Variants in CDKL5 observed in about 807,000 individuals in gnomAD.
CDKL5 encodes the protein cyclin-dependent kinase-like 5.
A neutral mutation model predicts 61.7 loss-of-function variants in CDKL5; 8 were observed. The observed-to-expected ratio is 0.13, with a 90% CI of 0.08 to 0.23. CDKL5 has a LOEUF of 0.23. Among genes scored for constraint, CDKL5 ranks in the 10% least tolerant of loss-of-function variants. The pLI is 1.00. For synonymous variants in CDKL5, 275 were observed against 272.3 expected, an observed-to-expected ratio of 1.01 and a Z score of -0.10; for missense variants, 440 against 734.5, an observed-to-expected ratio of 0.60 and a Z score of 4.63.
chrX:18,597,736 A>G (rs1926048086), intron 10 of CDKL5, among the ~76,000 whole-genome samples: 2 of 107,478 alleles, frequency 1.9e-5, no homozygotes, highest in South Asian at 8.3e-4. Context: ...AGCTGGGATT[A>G]CGGGCATGAG....
Position 18,509,236 on chromosome X carries a change from CA to C in CDKL5, c.65-1583del, listed in dbSNP as rs1235117969. 3.3e-4 allele frequency among the ~76,000 whole-genome samples: 36 copies of C among 107,593 alleles called. No homozygotes were observed. The East Asian group carries it at 6.0e-3, about 18-fold the overall frequency. The allele number at this position is 107,593 out of a possible 115,157, so 93.4% of individuals were successfully genotyped here. A position where few individuals can be genotyped will look rare whatever the true frequency, so the allele number is the denominator to read the frequency against. The stretch of plus-strand genomic sequence containing the variant: ...ACACACACACACACACACACACACA[CA>C]CACACACACCCCTGTCAAGCAAACT... On this transcript the variant is annotated intron_variant, in intron 2 of 17. Coordinates refer to ENST00000623535, the MANE Select transcript of CDKL5 (RefSeq NM_001323289.2).
intron 1 of CDKL5, among the ~76,000 whole-genome samples, chrX:18,440,223 A>G (rs1162365397): frequency 8.9e-6 from 1 of 112,238 alleles, no homozygotes; most frequent in East Asian, 2.8e-4. Context: ...TGCTTTATCA[A>G]CTAAGTTTAT....
intron 16 of CDKL5, among the ~76,000 whole-genome samples, chrX:18,621,794 C>T (rs1208258489): frequency 9.0e-6 from 1 of 111,538 alleles, no homozygotes; most frequent in African/African-American, 3.3e-5. Context: ...CAGTCAGATA[C>T]TACTATAATT....
Position 18,442,404 on chromosome X carries a change from C to G in CDKL5, c.-163+16709C>G, listed in dbSNP as rs756093465. On this transcript the variant is annotated intron_variant, in intron 1 of 17. Coordinates refer to ENST00000623535, the MANE Select transcript of CDKL5 (RefSeq NM_001323289.2). ...ACTCTCCAACAGGCGAGCACATGGT[C>G]GTCTCCTCTCTCCCTTCAGGTACTC... The G allele has an allele frequency of 3.6e-5, 4 of 112,074 alleles. 1 individual carries two copies. The South Asian group carries it at 1.5e-3, about 42-fold the overall frequency. 9.2% of individuals were successfully genotyped at this position (112,074 alleles called of 1,213,427 possible).
In CDKL5 at chrX:18,613,145, T is replaced by C; in HGVS notation, c.2153-7T>C. ...GTCCATCAGTGACTTACTTTTTCTTTATTCAGTGCCATCTCCACGTCCAGA... is the reference window on the plus strand; with the variant it reads ...GTCCATCAGTGACTTACTTTTTCTTCATTCAGTGCCATCTCCACGTCCAGA... On this transcript the variant is annotated splice_polypyrimidine_tract_variant and splice_region_variant and intron_variant, in intron 14 of 17. Transcript: ENST00000623535. 1.7e-6 allele frequency: 2 copies of C among 1,183,903 alleles called. No homozygotes were observed. The highest frequency in any genetic ancestry group is 2.3e-6 in the Non-Finnish European group (2 of 878,222).
At chrX:18,647,765 G>A (rs1438395999) in intron 20 of CDKL5, 1 of 151,684 alleles carries the variant, frequency 6.6e-6, no homozygotes, top group East Asian at 1.7e-4. Context: ...GTCTCTTGTT[G>A]TCCTTGGGCA....
chrX:18,599,194 A>G (rs757085061), intron 11 of CDKL5, among the ~76,000 whole-genome samples: 27 of 112,222 alleles, frequency 2.4e-4, no homozygotes, highest in Non-Finnish European at 3.9e-4. Context: ...TTTCAGCATA[A>G]TTTTTTCAAA....
chrX:18,472,182 G>A (rs1037998629), intron 1 of CDKL5, among the ~76,000 whole-genome samples: 3 of 112,132 alleles, frequency 2.7e-5, no homozygotes, highest in Non-Finnish European at 3.8e-5. Context: ...GTAGATGATA[G>A]CAATGTTAAA....
At chrX:18,615,122 C>T (rs1926677208) in intron 15 of CDKL5, among the ~76,000 whole-genome samples, 1 of 112,038 alleles carries the variant, frequency 8.9e-6, no homozygotes, top group South Asian at 3.7e-4. Context: ...ATCAGGTCAT[C>T]CTTATTCTAG....
intron 1 of CDKL5, among the ~76,000 whole-genome samples, chrX:18,451,481 A>G (rs1932016261): frequency 8.9e-6 from 1 of 112,099 alleles, no homozygotes; most frequent in East Asian, 2.8e-4. Flanking sequence ...GTGAGCCACC[A>G]CACCCAGCCA....
At position 18,510,863 on chromosome X, in the gene CDKL5, A is replaced by T. The variant is rs1602233003; in HGVS notation, c.99+9A>T. 1.7e-6 allele frequency: 2 copies of T among 1,143,836 alleles called. No individual in the cohort carries two copies. The highest frequency in any genetic ancestry group is 2.4e-6 in the Non-Finnish European group (2 of 835,163). The allele number at this position is 1,143,836 out of a possible 1,213,427, so 94.3% of individuals were successfully genotyped here. On this transcript the variant is annotated intron_variant, in intron 3 of 17. Transcript: ENST00000623535. ...TTAAATGCAGACACAAGGCAAGTACATTATTTTTAAAAAGAAATATCTGTA... is the reference window on the plus strand; with the variant it reads ...TTAAATGCAGACACAAGGCAAGTACTTTATTTTTAAAAAGAAATATCTGTA...
rs762517975 is a variant in CDKL5 at position 18,625,237 on chromosome X, T to C, written c.2486T>C (p.Leu829Pro). The C allele has an allele frequency of 8.3e-7, 1 of 1,208,664 alleles. No homozygotes were observed. The highest frequency in any genetic ancestry group is 1.8e-5 in the South Asian group (1 of 56,782). The change falls in exon 17 of 18, where the codon CTG (leucine) becomes CCG (proline). Residue 829 changes from leucine to proline, a missense_variant. Around this residue, in one of 2 missense-constraint regions of CDKL5, gnomAD observed 363 missense variants for 516.3 expected, o/e 0.70. Coordinates refer to ENST00000623535, the MANE Select transcript of CDKL5 (RefSeq NM_001323289.2). ...TGGCGCCCCGAGAAGATCTCAGATC[T>C]GCAGACCCAAGTGAGTGGATCCTGC... is the stretch of plus-strand genomic sequence containing the variant. ...KEWRPEKISD[L>P]QTQSQPLKSL...
Position 18,629,484 on chromosome X carries a change from T to C in CDKL5, c.*727T>C, listed in dbSNP as rs1478869499. ...ATATATATATGGTAAATATCTGTTT[T>C]ATAAATATATTCATTTAAAGAAAGT... On this transcript the variant is annotated 3_prime_UTR_variant, in exon 18 of 18. Coordinates refer to ENST00000623535, the MANE Select transcript of CDKL5 (RefSeq NM_001323289.2). 1.7e-6 allele frequency: 1 copy of C among 575,955 alleles called. No homozygotes were observed. Among genetic ancestry groups the C allele is most frequent in the African/African-American group, 2.5e-5 (1 of 39,442 alleles). 47.5% of individuals were successfully genotyped at this position (575,955 alleles called of 1,213,427 possible).
intron 1 of CDKL5, among the ~76,000 whole-genome samples, chrX:18,454,085 A>G (rs1165623982): frequency 9.0e-6 from 1 of 111,675 alleles, no homozygotes; most frequent in Non-Finnish European, 1.9e-5. Context: ...ACTTGAAGGA[A>G]TAGTGTTAGC....
chrX:18,459,851 C>T (rs1234806134), intron 1 of CDKL5, among the ~76,000 whole-genome samples: 4 of 102,513 alleles, frequency 3.9e-5, no homozygotes, highest in African/African-American at 1.4e-4. Flanking sequence ...ACTACAGGTG[C>T]ATGCCACCAC....
chrX:18,604,234 ACAG>A lies in CDKL5; in HGVS notation c.1314_1316del (p.Ser438del). 1.7e-6 allele frequency: 2 copies of A among 1,211,916 alleles called. No homozygotes were observed. Among genetic ancestry groups the A allele is most frequent in the South Asian group, 3.5e-5 (2 of 57,019 alleles). Reference sequence around the variant, plus strand: ...CCAGGGACAAAGTACCTCAAGTCAAACAGCAGATCTCAGCAGAACCGCCACTCA... The same window carrying A: ...CCAGGGACAAAGTACCTCAAGTCAAACAGATCTCAGCAGAACCGCCACTCA... On this transcript the variant is annotated inframe_deletion, in exon 12 of 18. Coordinates refer to ENST00000623535, the MANE Select transcript of CDKL5 (RefSeq NM_001323289.2).
At chrX:18,494,258 T>G (rs1182749570) in intron 1 of CDKL5, among the ~76,000 whole-genome samples, 1 of 110,891 alleles carries the variant, frequency 9.0e-6, no homozygotes, top group African/African-American at 3.3e-5. Context: ...TTTCTTTCTT[T>G]TTTTTTGGGG....
At chrX:18,577,678 A>G (rs1396656272) in intron 5 of CDKL5, among the ~76,000 whole-genome samples, 3 of 112,030 alleles carry the variant, frequency 2.7e-5, no homozygotes, top group African/African-American at 6.5e-5. Flanking sequence ...GCTGCAAGGC[A>G]GAAGAGAACT....
At chrX:18,487,785 G>A (rs1293022957) in intron 1 of CDKL5, among the ~76,000 whole-genome samples, 2 of 112,009 alleles carry the variant, frequency 1.8e-5, no homozygotes, top group African/African-American at 6.5e-5. Context: ...GCGTGATGGC[G>A]TGTGCCTGTA....
Sources: gnomAD v4.1 joint callset for allele counts (sites outside exome capture counted in the v4.1 genomes callset) on GRCh38, gnomAD v4.1.1 for gene constraint, gnomAD v4.1.1 regional missense constraint, MANE v1.5 for transcripts, NCBI Gene and HGNC (gene_info 2026-07-23, HGNC 2026-07-21) for gene names.